The following PIMREG variants were observed in gnomAD, a reference collection of about 807,000 sequenced individuals.
The protein encoded by PIMREG is protein PIMREG.
PIMREG carries 19 observed loss-of-function variants against 24.3 expected under a neutral mutation model. The ratio of observed to expected loss-of-function variants is 0.78; its 90% CI spans 0.54 to 1.15. The LOEUF is 1.15. PIMREG is among the 50% of genes most tolerant of loss of function. PIMREG has a pLI of 0.00. For missense variants in PIMREG, 283 were observed against 306.8 expected (o/e 0.92, Z 0.58); for synonymous variants, 112 against 124.1 (o/e 0.90, Z 0.65).
rs1326452006 is a variant in PIMREG at position 6,451,319 on chromosome 17, C to G, written c.*972C>G. ...AACATTTGAGAGCTAAAAACCAGCT[C>G]ACATCAAAATCAAGACCCAGTTGTA... On this transcript the variant is annotated 3_prime_UTR_variant, in exon 6 of 6. Transcript: ENST00000572447. The G allele has an allele frequency of 2.0e-5, 3 of 152,208 alleles. No homozygotes were observed. The highest frequency in any genetic ancestry group is 7.2e-5 in the African/African-American group (3 of 41,448). The allele number at this position is 152,208 out of a possible 1,614,324, so 9.4% of individuals were successfully genotyped here.
At position 6,450,873 on chromosome 17, in the gene PIMREG, C is replaced by T. The variant is rs1206352677; in HGVS notation, c.*526C>T. 1 of 168,232 alleles carries T rather than the reference C, an allele frequency of 5.9e-6. No individual in the cohort carries two copies. The allele number at this position is 168,232 out of a possible 1,614,324, so 10.4% of individuals were successfully genotyped here. ...ATATTTCCAGGCTTACGACCCTGGG[C>T]TCACGGGTACCTATTTATATGCTCA... is the stretch of plus-strand genomic sequence containing the variant. On this transcript the variant is annotated 3_prime_UTR_variant, in exon 6 of 6. Transcript: ENST00000572447.
rs1913627401 is a variant in PIMREG at position 6,447,545 on chromosome 17, A to C, written c.377A>C (p.Gln126Pro). 1 of 1,614,070 alleles carries C rather than the reference A, an allele frequency of 6.2e-7. No individual in the cohort carries two copies. The highest frequency in any genetic ancestry group is 1.3e-5 in the African/African-American group (1 of 74,936). The stretch of plus-strand genomic sequence containing the variant: ...GCCAGGAGGCGGAAGAGAGGAGCAC[A>C]GAAGGGCAGTGGATCCCCAACTCAC... Reference protein sequence around the residue: ...VKARRRKRGAQKGSGSPTHSL... With the variant: ...VKARRRKRGAPKGSGSPTHSL... The change falls in exon 3 of 6, where the codon CAG (glutamine) becomes CCG (proline). Residue 126 changes from glutamine to proline, a missense_variant. Gln to Pro is a moderately conservative substitution (Grantham distance 76). Coordinates refer to ENST00000572447, the MANE Select transcript of PIMREG (RefSeq NM_019013.3).
Position 6,444,959 on chromosome 17 carries a change from G to A in PIMREG, c.-35-117G>A, listed in dbSNP as rs956349040. ...TTCCTGCACCCACACTTACCAACTC[G>A]CCCGCCCCCGCCACCCCGCTGCATC... On this transcript the variant is annotated intron_variant, in intron 1 of 5. Coordinates refer to ENST00000572447, the MANE Select transcript of PIMREG (RefSeq NM_019013.3). This position sits in a 1 kb window ranked among gnomAD's most constrained non-coding sequence, Gnocchi z 4.3. 40 of 743,128 alleles carry A rather than the reference G, an allele frequency of 5.4e-5. No homozygotes were observed. The highest frequency in any genetic ancestry group is 7.7e-5 in the Non-Finnish European group (38 of 494,876). 46.0% of individuals were successfully genotyped at this position (743,128 alleles called of 1,614,324 possible).
chr17:6,449,467 T>TG (rs1210166599), intron 4 of PIMREG, 60 bp downstream of exon 4: 1 of 1,488,794 alleles, frequency 6.7e-7, no homozygotes, highest in Non-Finnish European at 9.2e-7. Flanking sequence ...CAGCCATCTT[T>TG]GTAGGCAGGC....
In PIMREG at chr17:6,450,027, G is replaced by C. The variant is rs1472461927; in HGVS notation, c.687-1G>C. 1 of 1,614,120 alleles carries C rather than the reference G, an allele frequency of 6.2e-7. No individual in the cohort carries two copies. On this transcript the variant is annotated splice_acceptor_variant, in intron 4 of 5. Coordinates refer to ENST00000572447, the MANE Select transcript of PIMREG (RefSeq NM_019013.3). LOFTEE classifies it high-confidence loss of function. Reference sequence around the variant, plus strand: ...GCATCAATCCCTCCCCTTCTCTCTAGTGGTGACATCGTCTCTCTCATTCAT... The same window carrying C: ...GCATCAATCCCTCCCCTTCTCTCTACTGGTGACATCGTCTCTCTCATTCAT...
chr17:6,448,282 C>CAAAAAAAAAAAAAA lies in PIMREG; in HGVS notation c.590+531_590+544dup, dbSNP rs71154695. 5.1e-3 allele frequency among the ~76,000 whole-genome samples: 209 copies of CAAAAAAAAAAAAAA among 41,288 alleles called. 28 individuals carry two copies. Among genetic ancestry groups the CAAAAAAAAAAAAAA allele is most frequent in the African/African-American group, 0.018 (188 of 10,548 alleles). 27.1% of individuals were successfully genotyped at this position (41,288 alleles called of 152,430 possible). ...AGGGCCACAGAGCCAGACCCTGTCT[C>CAAAAAAAAAAAAAA]AAAAAAAAAAAAAAAAAAAAGAGAG... On this transcript the variant is annotated intron_variant, in intron 3 of 5. Transcript: ENST00000572447.
Position 6,449,573 on chromosome 17 carries a change from T to A in PIMREG, c.686+166T>A, listed in dbSNP as rs1224800126. ...ATCTCAAACATGAGAAAGGACAAAA[T>A]CCTGGACTGGGGTGATGGTAAAGGA... On this transcript the variant is annotated intron_variant, in intron 4 of 5. Transcript: ENST00000572447. 8.5e-6 allele frequency: 9 copies of A among 1,060,388 alleles called. No individual in the cohort carries two copies. In the African/African-American group the frequency reaches 1.3e-4, roughly 15 times the overall value. The allele number at this position is 1,060,388 out of a possible 1,614,324, so 65.7% of individuals were successfully genotyped here.
Position 6,450,542 on chromosome 17 carries a change from C to T in PIMREG, c.*195C>T. The stretch of plus-strand genomic sequence containing the variant: ...ATCTGGACCCATCAGTGACTGCCTG[C>T]CATAGCCTGAGAGTGTCTTGGGGAG... On this transcript the variant is annotated 3_prime_UTR_variant, in exon 6 of 6. Transcript: ENST00000572447. 1 of 703,088 alleles carries T rather than the reference C, an allele frequency of 1.4e-6. No homozygotes were observed. The highest frequency in any genetic ancestry group is 3.0e-5 in the Admixed American group (1 of 33,138). 43.6% of individuals were successfully genotyped at this position (703,088 alleles called of 1,614,324 possible).
At chr17:6,445,675 G>A (rs1193712919) in intron 2 of PIMREG, among the ~76,000 whole-genome samples, 1 of 152,232 alleles carries the variant, frequency 6.6e-6, no homozygotes, top group Non-Finnish European at 1.5e-5. Context: ...TGCAAAGCAA[G>A]TGACCAATAG....
Position 6,450,057 on chromosome 17 carries a change from G to C in PIMREG, c.716G>C (p.Ter239SerextTer25). ...GACATCGTCTCTCTCATTCATGACT[G>C]AGGAAGTGCCTGCAGGTAATGCCCA... ...SGDIVSLIHD[*>S] is the part of the protein sequence containing the mutation. Residue 239 changes from the stop codon to serine (S), a stop_lost, in exon 5 of 6, where the codon TGA becomes TCA. Transcript: ENST00000572447. The C allele has an allele frequency of 6.2e-7, 1 of 1,614,144 alleles. No individual in the cohort carries two copies. The highest frequency in any genetic ancestry group is 8.5e-7 in the Non-Finnish European group (1 of 1,180,000).
chr17:6,448,450 G>A (rs1473926754), intron 3 of PIMREG, among the ~76,000 whole-genome samples: 1 of 151,982 alleles, frequency 6.6e-6, no homozygotes, highest in Non-Finnish European at 1.5e-5. Context: ...TTTCTTTGAG[G>A]GCTAGCATCT....
chr17:6,450,109 T>C (rs9914197), intron 5 of PIMREG, 37 bp downstream of exon 5: 54,809 of 1,601,350 alleles, frequency 0.034, 2,154 homozygotes, highest in African/African-American at 0.2. Flanking sequence ...CTCACTGTCC[T>C]TCTCCTCCAT....
chr17:6,447,245 G>T (rs1365459977), intron 2 of PIMREG: 10 of 486,520 alleles, frequency 2.1e-5, no homozygotes, highest in East Asian at 1.1e-4. Context: ...CCAAGTAGCT[G>T]GGATTACAGG....
In PIMREG at chr17:6,447,489, C is replaced by A; in HGVS notation, c.321C>A (p.Gly107=). The A allele has an allele frequency of 1.2e-6, 2 of 1,613,920 alleles. No individual in the cohort carries two copies. The highest frequency in any genetic ancestry group is 1.7e-6 in the Non-Finnish European group (2 of 1,179,842). ...SQRIQESCQS[G]TKWLVETQVK... is the part of the protein sequence containing the mutation. ...GAATCCAGGAGTCCTGCCAAAGTGGCACCAAGTGGCTGGTGGAGACCCAGG... is the reference window on the plus strand; with the variant it reads ...GAATCCAGGAGTCCTGCCAAAGTGGAACCAAGTGGCTGGTGGAGACCCAGG... The change falls in exon 3 of 6, where the codon GGC becomes GGA. Residue 107 remains glycine (G), a synonymous_variant. Transcript: ENST00000572447.
chr17:6,450,123 A>C, intron 5 of PIMREG, 51 bp downstream of exon 5: 1,620 of 1,542,834 alleles, frequency 1.1e-3, no homozygotes, highest in Non-Finnish European at 1.3e-3. Flanking sequence ...CCTCCATCTC[A>C]TGCATGAGCA....
Position 6,450,982 on chromosome 17 carries a change from CT to C in PIMREG, c.*638del, listed in dbSNP as rs1913807989. 1 of 152,530 alleles carries C rather than the reference CT, an allele frequency of 6.6e-6. No homozygotes were observed. Among genetic ancestry groups the C allele is most frequent in the African/African-American group, 2.4e-5 (1 of 41,476 alleles). 9.4% of individuals were successfully genotyped at this position (152,530 alleles called of 1,614,324 possible). A position where few individuals can be genotyped will look rare whatever the true frequency, so the allele number is the denominator to read the frequency against. ...CTTTGTAAATTATTTAAGAAACCTG[CT>C]TTGTCATTTTATTAGAAAGAAACCA... On this transcript the variant is annotated 3_prime_UTR_variant, in exon 6 of 6. Coordinates refer to ENST00000572447, the MANE Select transcript of PIMREG (RefSeq NM_019013.3).
At position 6,449,418 on chromosome 17, in the gene PIMREG, A is replaced by T. The variant is rs781637964; in HGVS notation, c.686+11A>T. 2.0e-5 allele frequency: 32 copies of T among 1,610,428 alleles called. No homozygotes were observed. Among genetic ancestry groups the T allele is most frequent in the Non-Finnish European group, 2.6e-5 (31 of 1,178,258 alleles). ...TATGGCGGAAGAGAGGTGAGTTGGC[A>T]TCCCATGCTTCAAAGTGAAGGGGCC... is the stretch of plus-strand genomic sequence containing the variant. On this transcript the variant is annotated intron_variant, in intron 4 of 5. Transcript: ENST00000572447.
intron 2 of PIMREG, 45 bp downstream of exon 2, chr17:6,445,449 T>TGGTGCCAGGC (rs1913537310): frequency 6.4e-7 from 1 of 1,554,770 alleles, no homozygotes; most frequent in Admixed American, 1.9e-5. Context: ...AGTGTTTCCT[T>TGGTGCCAGGC]GGTGCCAGGC....
rs1224623414 is a variant in PIMREG at position 6,450,782 on chromosome 17, A to G, written c.*435A>G. ...CTCACCCACTGTGTTTCTGGTGCCA[A>G]GGCTCTTGAGGGCCCCACTCTCATC... On this transcript the variant is annotated 3_prime_UTR_variant, in exon 6 of 6. Transcript: ENST00000572447. 3 of 235,556 alleles carry G rather than the reference A, an allele frequency of 1.3e-5. No individual in the cohort carries two copies. The highest frequency in any genetic ancestry group is 2.2e-5 in the African/African-American group (1 of 44,470). The allele number at this position is 235,556 out of a possible 1,614,324, so 14.6% of individuals were successfully genotyped here.
Sources: allele counts gnomAD v4.1 joint callset (sites outside exome capture counted in the v4.1 genomes callset), GRCh38; gene constraint gnomAD v4.1.1; non-coding constraint Gnocchi (gnomAD v3.1); transcripts MANE v1.5; gene names NCBI Gene and HGNC (gene_info 2026-07-23, HGNC 2026-07-21).